The following SLC38A9 variants were observed in gnomAD, a reference collection of about 807,000 sequenced individuals.
SLC38A9 encodes the protein neutral amino acid transporter 9.
SLC38A9 carries 48 observed loss-of-function variants against 62.3 expected under a neutral mutation model. The observed-to-expected ratio is 0.77, with a 90% CI of 0.61 to 0.98. The LOEUF (loss-of-function observed/expected upper bound fraction) is 0.98, where lower values mean the gene tolerates loss of function less well. Among genes scored for constraint, SLC38A9 ranks in the 50% least tolerant of loss-of-function variants. The pLI is 0.00. For missense variants in SLC38A9, 541 were observed against 679.8 expected (o/e 0.80, Z 2.27); for synonymous variants, 204 against 227.7 (o/e 0.90, Z 0.94).
chr5:55,626,631 A>C lies in SLC38A9; in HGVS notation c.1549T>G (p.Phe517Val), dbSNP rs781666006. The change falls in exon 16 of 16, where the codon TTT becomes GTT. Residue 517 changes from phenylalanine to valine, a missense_variant. Coordinates refer to ENST00000396865, the MANE Select transcript of SLC38A9 (RefSeq NM_173514.4). ...ATGAGAGATGGGTATATGAATACAA[A>C]GGCCAGTCCACATGCTGCTCCTGAA... ...RYSGAACGLA[F>V]VFIYPSLIYI... 1.2e-6 allele frequency: 2 copies of C among 1,611,096 alleles called. No individual in the cohort carries two copies. Among genetic ancestry groups the C allele is most frequent in the Admixed American group, 3.4e-5 (2 of 59,004 alleles).
At chr5:55,687,951 C>A (rs1288474524) in intron 3 of SLC38A9, among the ~76,000 whole-genome samples, 2 of 152,142 alleles carry the variant, frequency 1.3e-5, no homozygotes, top group Non-Finnish European at 2.9e-5. Context: ...CCCGCCTTGG[C>A]CTCCCAAAGT....
chr5:55,643,155 C>T (rs957821637), intron 12 of SLC38A9, among the ~76,000 whole-genome samples: 6 of 152,156 alleles, frequency 3.9e-5, no homozygotes, highest in African/African-American at 7.2e-5. Flanking sequence ...CTTTTTCTAT[C>T]GTCTAAGGTA....
chr5:55,647,739 C>T (rs1294866729), intron 11 of SLC38A9, among the ~76,000 whole-genome samples: 1 of 152,084 alleles, frequency 6.6e-6, no homozygotes, highest in Non-Finnish European at 1.5e-5. Context: ...AGCTTTTTCC[C>T]ATTAACTAAC....
intron 10 of SLC38A9, among the ~76,000 whole-genome samples, chr5:55,650,831 G>A (rs1370912710): frequency 2.0e-5 from 3 of 152,192 alleles, no homozygotes; most frequent in African/African-American, 7.2e-5. Flanking sequence ...CGCTCTTGTT[G>A]CCCACGCTGG....
Position 55,635,607 on chromosome 5 carries a change from AT to A in SLC38A9, c.1217del (p.Tyr406LeufsTer25). 2 of 1,613,982 alleles carry A rather than the reference AT, an allele frequency of 1.2e-6. No individual in the cohort carries two copies. Among genetic ancestry groups the A allele is most frequent in the Non-Finnish European group, 8.5e-7 (1 of 1,179,876 alleles). On this transcript the variant is annotated frameshift_variant, in exon 13 of 16. Coordinates refer to ENST00000396865, the MANE Select transcript of SLC38A9 (RefSeq NM_173514.4). LOFTEE classifies it high-confidence loss of function. ...ATGAAGCAAAAACCAGGACTCCAAT[AT>A]AGAGATAAGTTAATGTCACCAGCAT... ...AYMLVTLTYL[Y>X]IGVLVFASFP...
chr5:55,633,329 C>T (rs73119745), intron 14 of SLC38A9: 7,503 of 154,422 alleles, frequency 0.049, 314 homozygotes, highest in African/African-American at 0.12. Flanking sequence ...TAATCTGCCT[C>T]TTGTCGGTCA....
chr5:55,706,946 C>CTT (rs574012429), intron 2 of SLC38A9, among the ~76,000 whole-genome samples: 1 of 144,492 alleles, frequency 6.9e-6, no homozygotes, highest in Non-Finnish European at 1.5e-5. Flanking sequence ...GATATGCTTT[C>CTT]TTTTTTTTTT....
chr5:55,637,666 A>G (rs145694571), intron 12 of SLC38A9, among the ~76,000 whole-genome samples: 45 of 152,336 alleles, frequency 3.0e-4, no homozygotes, highest in African/African-American at 9.6e-4. Flanking sequence ...GTAAATGTAG[A>G]TAAAGAATAA....
At chr5:55,652,999 C>T (rs1488076531) in intron 9 of SLC38A9, among the ~76,000 whole-genome samples, 1 of 152,148 alleles carries the variant, frequency 6.6e-6, no homozygotes, top group Non-Finnish European at 1.5e-5. Flanking sequence ...CAGAGTCTCG[C>T]TCTGTCGCCC....
chr5:55,671,320 A>C (rs1283305603), intron 4 of SLC38A9, among the ~76,000 whole-genome samples: 1 of 151,920 alleles, frequency 6.6e-6, no homozygotes, highest in Non-Finnish European at 1.5e-5. Context: ...AATGGTTTTT[A>C]TAATTTTATA....
chr5:55,670,915 C>G (rs1360242215), intron 4 of SLC38A9, among the ~76,000 whole-genome samples: 1 of 152,124 alleles, frequency 6.6e-6, no homozygotes, highest in Non-Finnish European at 1.5e-5. Context: ...TTATCCTACC[C>G]AGAACATTTT....
At chr5:55,692,982 TAA>T in intron 3 of SLC38A9, 1 of 983,982 alleles carries the variant, frequency 1.0e-6, no homozygotes, top group Non-Finnish European at 1.2e-6. Context: ...TAAGAAAGAC[TAA>T]AAACTTAAGT....
chr5:55,677,874 A>G (rs7718675), intron 3 of SLC38A9, among the ~76,000 whole-genome samples: 106,352 of 149,678 alleles, frequency 0.71, 37,899 homozygotes, highest in South Asian at 0.82. Context: ...CCAACAGAGA[A>G]ACTTGCCACC....
chr5:55,710,859 C>T (rs531012232), intron 2 of SLC38A9, among the ~76,000 whole-genome samples: 157 of 151,246 alleles, frequency 1.0e-3, no homozygotes, highest in South Asian at 7.5e-3. Context: ...ACCTCGTGAT[C>T]TGCCTGCCTC....
At chr5:55,656,127 G>C (rs1748377109) in intron 9 of SLC38A9, among the ~76,000 whole-genome samples, 1 of 151,404 alleles carries the variant, frequency 6.6e-6, no homozygotes. Flanking sequence ...GGCAAATATG[G>C]ATACTGTAGA....
chr5:55,676,501 T>C (rs943038185), intron 3 of SLC38A9, among the ~76,000 whole-genome samples: 13 of 152,210 alleles, frequency 8.5e-5, no homozygotes, highest in African/African-American at 2.9e-4. Flanking sequence ...ATTGTACATA[T>C]ACAATGCACT....
intron 3 of SLC38A9, among the ~76,000 whole-genome samples, chr5:55,685,677 CA>C (rs1269174515): frequency 6.6e-6 from 1 of 152,028 alleles, no homozygotes; most frequent in East Asian, 1.9e-4. Context: ...TGCCTATGTA[CA>C]TAGGCAAACA....
chr5:55,682,565 G>A (rs948115774), intron 3 of SLC38A9, among the ~76,000 whole-genome samples: 8 of 152,136 alleles, frequency 5.3e-5, no homozygotes, highest in African/African-American at 9.7e-5. Context: ...GATTGAGGCC[G>A]GGAGTTCAAG....
Position 55,625,991 on chromosome 5 carries a change from A to G in SLC38A9, c.*503T>C, listed in dbSNP as rs1034174080. 2.0e-5 allele frequency: 3 copies of G among 153,044 alleles called. No homozygotes were observed. The highest frequency in any genetic ancestry group is 7.2e-5 in the African/African-American group (3 of 41,456). The allele number at this position is 153,044 out of a possible 1,614,324, so 9.5% of individuals were successfully genotyped here. On this transcript the variant is annotated 3_prime_UTR_variant, in exon 16 of 16. Coordinates refer to ENST00000396865, the MANE Select transcript of SLC38A9 (RefSeq NM_173514.4). Reference sequence around the variant, plus strand: ...AATGTACTTTATTAACACTGATGCCATGAAAACTTCTTTTTAAAAATGAGG... The same window carrying G: ...AATGTACTTTATTAACACTGATGCCGTGAAAACTTCTTTTTAAAAATGAGG...
Sources: allele counts gnomAD v4.1 joint callset (sites outside exome capture counted in the v4.1 genomes callset), GRCh38; gene constraint gnomAD v4.1.1; transcripts MANE v1.5; gene names NCBI Gene and HGNC (gene_info 2026-07-23, HGNC 2026-07-21).